The following DST variants were observed in gnomAD, a reference collection of about 807,000 sequenced individuals.
DST encodes the protein bullous pemphigoid antigen.
In DST, 253 loss-of-function variants were observed where a neutral mutation model predicts 875.2. The observed-to-expected ratio is 0.29, with a 90% CI of 0.26 to 0.32. The LOEUF is 0.32. Ranked by LOEUF, DST falls within the 10% of genes least tolerant of loss-of-function variation. The pLI, the probability that DST is intolerant of heterozygous loss-of-function variation, is 1.00. For synonymous variants in DST, 3,124 were observed against 3,197.1 expected (o/e 0.98, Z 0.77); for missense variants, 8,287 against 9,111.6 (o/e 0.91, Z 3.68).
At chr6:56,900,941 G>A (rs1454762957) in intron 2 of DST, among the ~76,000 whole-genome samples, 1 of 151,828 alleles carries the variant, frequency 6.6e-6, no homozygotes. Context: ...GCATCAGGGA[G>A]ACTGTGAAGA....
intron 9 of DST, chr6:56,692,288 T>G (rs1345844330): frequency 1.7e-6 from 1 of 573,962 alleles, no homozygotes; most frequent in Non-Finnish European, 2.6e-6. Flanking sequence ...TTACATACAC[T>G]AATATGAAAA....
At chr6:56,924,076 A>T (rs1237651681) in intron 2 of DST, among the ~76,000 whole-genome samples, 3 of 152,186 alleles carry the variant, frequency 2.0e-5, no homozygotes, top group Non-Finnish European at 1.5e-5. Context: ...GTGAGCCGAG[A>T]TCACGCCACT....
chr6:56,911,605 T>C (rs978097964), intron 2 of DST, among the ~76,000 whole-genome samples: 1 of 152,224 alleles, frequency 6.6e-6, no homozygotes, highest in Non-Finnish European at 1.5e-5. Context: ...GACCCTCGTA[T>C]GGATCTTTTT....
chr6:56,679,060 CTT>C (rs1453516613), intron 9 of DST, among the ~76,000 whole-genome samples: 1 of 152,152 alleles, frequency 6.6e-6, no homozygotes, highest in Non-Finnish European at 1.5e-5. Flanking sequence ...ATCAATCTGT[CTT>C]TTGTTGTAGG....
In DST at chr6:56,640,399, C is replaced by T; in HGVS notation, c.2234G>A (p.Ser745Asn). The stretch of plus-strand genomic sequence containing the variant: ...CCCTGATGACAGGCCAGAAGTCATA[C>T]TAGAAGAGGTTAGGGAAGGTGTTAA... ...QSLTPSLTSS[S>N]MTSGLSSGMT... Residue 745 changes from serine to asparagine, a missense_variant, in exon 18 of 104, where the codon AGT becomes AAT. Around this residue, in one of 10 missense-constraint regions of DST, gnomAD observed 1,160 missense variants for 1,424.3 expected, o/e 0.81. Coordinates refer to ENST00000680361, the MANE Select transcript of DST (RefSeq NM_001374736.1). 6.2e-7 allele frequency: 1 copy of T among 1,614,094 alleles called. No individual in the cohort carries two copies. The highest frequency in any genetic ancestry group is 8.5e-7 in the Non-Finnish European group (1 of 1,180,010).
intron 2 of DST, 27 bp downstream of exon 2, chr6:56,953,758 C>T: frequency 7.6e-7 from 1 of 1,308,956 alleles, no homozygotes; most frequent in Non-Finnish European, 1.0e-6. Flanking sequence ...TTCTTCTGAC[C>T]TTGAGCGTGC....
At chr6:56,928,913 T>A (rs1297822064) in intron 2 of DST, among the ~76,000 whole-genome samples, 1 of 152,018 alleles carries the variant, frequency 6.6e-6, no homozygotes, top group African/African-American at 2.4e-5. Context: ...AGAGTTGAAC[T>A]AACAGAAAAG....
At position 56,636,289 on chromosome 6, in the gene DST, T is replaced by C. The variant is rs141993226; in HGVS notation, c.3060+268A>G. Among the ~76,000 whole-genome samples, 672 of 148,992 alleles carry C rather than the reference T, an allele frequency of 4.5e-3. 1 individual carries two copies. Among genetic ancestry groups the C allele is most frequent in the African/African-American group, 0.016 (644 of 39,630 alleles). On this transcript the variant is annotated intron_variant, in intron 23 of 103. Coordinates refer to ENST00000680361, the MANE Select transcript of DST (RefSeq NM_001374736.1). Reference sequence around the variant, plus strand: ...ACACAAACACACACACACACACACATATACATATATACATATATAACAGTG... The same window carrying C: ...ACACAAACACACACACACACACACACATACATATATACATATATAACAGTG...
At chr6:56,567,856 C>T (rs1470124218) in intron 55 of DST, among the ~76,000 whole-genome samples, 1 of 152,108 alleles carries the variant, frequency 6.6e-6, no homozygotes. Flanking sequence ...AAAAACTATA[C>T]CCATAACTTG....
At chr6:56,528,167 T>C (rs1469997353) in intron 67 of DST, among the ~76,000 whole-genome samples, 1 of 152,226 alleles carries the variant, frequency 6.6e-6, no homozygotes, top group Non-Finnish European at 1.5e-5. Context: ...CAGATCTTTA[T>C]TTGCCTCTAC....
In DST at chr6:56,602,975, A is replaced by G. The variant is rs976519544; in HGVS notation, c.11214T>C (p.Asp3738=). The G allele has an allele frequency of 4.4e-6, 7 of 1,596,028 alleles. No individual in the cohort carries two copies. The highest frequency in any genetic ancestry group is 2.7e-5 in the African/African-American group (2 of 73,888). The change falls in exon 43 of 104, where the codon GAT becomes GAC. Residue 3738 remains aspartate, a synonymous_variant. Transcript: ENST00000680361. The part of the protein sequence containing the change: ...EFLHKLKSFS[D]WVSEKSKSVK... ...CAGATTTGCTCTTCTCTGATACCCA[A>G]TCTGAGAATGACTTAAGTTTATGCA...
intron 4 of DST, among the ~76,000 whole-genome samples, chr6:56,758,235 C>T (rs150405267): frequency 1.0e-3 from 156 of 152,264 alleles, no homozygotes; most frequent in African/African-American, 3.6e-3. Context: ...TGTTCCAGTT[C>T]AGCTGTGGCC....
intron 2 of DST, among the ~76,000 whole-genome samples, chr6:56,919,009 G>A (rs940239075): frequency 3.3e-5 from 5 of 151,088 alleles, no homozygotes; most frequent in African/African-American, 9.7e-5. Flanking sequence ...TTTTTTCTCC[G>A]AATTATTTTC....
rs1425435553 is a variant in DST, at chr6:56,506,440, T to C, written c.19464+3A>G. The C allele has an allele frequency of 6.2e-7, 1 of 1,610,074 alleles. No homozygotes were observed. Among genetic ancestry groups the C allele is most frequent in the South Asian group, 1.1e-5 (1 of 90,334 alleles). ...ACCAGCACATACACTGTAATCCCCT[T>C]ACCTGCAGTCCATCCTGGTACTGAA... On this transcript the variant is annotated splice_donor_region_variant and intron_variant, in intron 77 of 103. Coordinates refer to ENST00000680361, the MANE Select transcript of DST (RefSeq NM_001374736.1).
intron 49 of DST, among the ~76,000 whole-genome samples, chr6:56,587,497 A>G (rs541953375): frequency 2.6e-5 from 4 of 152,300 alleles, no homozygotes; most frequent in African/African-American, 9.6e-5. Context: ...GCAGGATATT[A>G]TCCAGGAGAA....
In DST at chr6:56,607,105, T is replaced by G. The variant is rs759597248; in HGVS notation, c.7523A>C (p.Lys2508Thr). 1.5e-5 allele frequency: 24 copies of G among 1,613,192 alleles called. No homozygotes were observed. The African/African-American group carries it at 2.4e-4, about 16-fold the overall frequency. Reference sequence around the variant, plus strand: ...ATTACTAGAAATCATATTTAAAGATTTCTGTCCATACTGCTCTCCTGGTAA... The same window carrying G: ...ATTACTAGAAATCATATTTAAAGATGTCTGTCCATACTGCTCTCCTGGTAA... ...ISLPGEQYGQ[K>T]SLNMISSNPQ... Residue 2508 changes from lysine to threonine, a missense_variant, in exon 40 of 104, where the codon AAA becomes ACA. By Grantham distance (78) the Lys-to-Thr change is moderately conservative. Transcript: ENST00000680361.
chr6:56,645,735 A>C (rs1488535503), intron 15 of DST, 131 bp downstream of exon 15: 1 of 1,082,216 alleles, frequency 9.2e-7, no homozygotes, highest in African/African-American at 1.6e-5. Flanking sequence ...TAGGTAAGAA[A>C]ATGGAGGATC....
Position 56,536,876 on chromosome 6 carries a change from T to C in DST, c.16673A>G (p.Gln5558Arg), listed in dbSNP as rs1360847533. Residue 5558 changes from glutamine (Q) to arginine (R), a missense_variant, in exon 62 of 104, where the codon CAA (glutamine) becomes CGA (arginine). Gln to Arg is a conservative substitution (Grantham distance 43). This residue lies in a region of DST where 777 missense variants were observed against 764.8 expected (regional missense o/e 1.02). Transcript: ENST00000680361. Reference sequence around the variant, plus strand: ...TTTGGCAGCACTCTGAATAAGGCCTTGACCTAACCAGTTTACATCTTGCTG... The same window carrying C: ...TTTGGCAGCACTCTGAATAAGGCCTCGACCTAACCAGTTTACATCTTGCTG... Reference protein sequence around the residue: ...GKQQDVNWLGQGLIQSAAKST... With the variant: ...GKQQDVNWLGRGLIQSAAKST... 9.9e-6 allele frequency: 16 copies of C among 1,613,952 alleles called. No individual in the cohort carries two copies. Among genetic ancestry groups the C allele is most frequent in the Admixed American group, 6.7e-5 (4 of 60,030 alleles).
chr6:56,732,146 G>C (rs1035632568), intron 5 of DST, among the ~76,000 whole-genome samples: 5 of 152,178 alleles, frequency 3.3e-5, no homozygotes, highest in African/African-American at 4.8e-5. Context: ...TAATCAGCCA[G>C]ATGAAAGTGG....
Sources: allele counts gnomAD v4.1 joint callset (sites outside exome capture counted in the v4.1 genomes callset), GRCh38; gene constraint gnomAD v4.1.1; regional missense constraint gnomAD v4.1.1; transcripts MANE v1.5; gene names NCBI Gene and HGNC (gene_info 2026-07-23, HGNC 2026-07-21).